Variants in DDX11 observed in about 807,000 individuals in gnomAD.
DDX11 encodes the protein ATP-dependent DNA helicase DDX11.
Under a neutral mutation model 125.2 loss-of-function variants are expected in DDX11, and 72 were observed. The ratio of observed to expected loss-of-function variants is 0.58; its 90% CI spans 0.48 to 0.70. DDX11 has a LOEUF of 0.70. Among genes scored for constraint, DDX11 ranks in the 30% least tolerant of loss-of-function variants. DDX11 has a pLI of 0.00. For synonymous variants in DDX11, 347 were observed against 452.6 expected, an observed-to-expected ratio of 0.77 and a Z score of 2.96; for missense variants, 883 against 1,165.0, an observed-to-expected ratio of 0.76 and a Z score of 3.52.
intron 2 of DDX11, among the ~76,000 whole-genome samples, chr12:31,082,304 G>A (rs1280148350): frequency 6.6e-6 from 1 of 151,584 alleles, no homozygotes; most frequent in African/African-American, 2.4e-5. Flanking sequence ...TAATCCAGAG[G>A]ATTTGGCCTT....
Position 31,100,639 on chromosome 12 carries a change from C to CT in DDX11, c.1881dup (p.Asp628Ter), listed in dbSNP as rs1437465535. On this transcript the variant is annotated frameshift_variant, in exon 19 of 27. Coordinates refer to ENST00000542838, the MANE Select transcript of DDX11 (RefSeq NM_030653.4). LOFTEE classifies it high-confidence loss of function. ...CGCTGTGGCCTTGGTCTACAGGTGT[C>CT]TGACTTCCGGCAGCAGCTGCTGGCC... is the stretch of plus-strand genomic sequence containing the variant. 1 of 1,552,362 alleles carries CT rather than the reference C, an allele frequency of 6.4e-7. No homozygotes were observed. Among genetic ancestry groups the CT allele is most frequent in the African/African-American group, 1.4e-5 (1 of 73,126 alleles).
In DDX11 at chr12:31,101,973, C is replaced by T; in HGVS notation, c.2193C>T (p.Ala731=). The change falls in exon 21 of 27, where the codon GCC becomes GCT. Residue 731 remains alanine (A), a synonymous_variant. Coordinates refer to ENST00000542838, the MANE Select transcript of DDX11 (RefSeq NM_030653.4). ...EKGGLLGRLA[A]RKKIFQEPKS... is the part of the protein sequence containing the mutation. ...GTGGCCTGCTGGGCCGTCTGGCTGC[C>T]AGGAAGAAGGTGAGTGGCCTGTCGG... 3 of 1,612,300 alleles carry T rather than the reference C, an allele frequency of 1.9e-6. No individual in the cohort carries two copies. The African/African-American group carries it at 4.0e-5, about 22-fold the overall frequency.
intron 9 of DDX11, among the ~76,000 whole-genome samples, chr12:31,090,847 G>A (rs1290263664): frequency 6.6e-6 from 1 of 152,208 alleles, no homozygotes. Context: ...AGCTGTGTGG[G>A]CACTGGCAGA....
chr12:31,081,307 AG>A (rs1418026824), intron 2 of DDX11, among the ~76,000 whole-genome samples: 1 of 152,196 alleles, frequency 6.6e-6, no homozygotes, highest in Non-Finnish European at 1.5e-5. Context: ...AGCCCATAGA[AG>A]CAGCCATGCT....
intron 9 of DDX11, among the ~76,000 whole-genome samples, chr12:31,090,362 G>C (rs1287538168): frequency 1.3e-5 from 2 of 149,852 alleles, no homozygotes; most frequent in Non-Finnish European, 3.0e-5. Context: ...CACAGGGAGA[G>C]GGGGGATGCC....
At chr12:31,078,861 G>A (rs1359646848) in intron 2 of DDX11, among the ~76,000 whole-genome samples, 3 of 151,924 alleles carry the variant, frequency 2.0e-5, no homozygotes, top group South Asian at 2.1e-4. Flanking sequence ...CTAATTTTTT[G>A]TAGTTTTAAT....
chr12:31,084,542 G>C, intron 3 of DDX11, 41 bp from the exon 4 acceptor site: 7 of 1,555,902 alleles, frequency 4.5e-6, no homozygotes, highest in Non-Finnish European at 5.3e-6. Context: ...GCCTGGTTTT[G>C]GGCTTCCTTG....
chr12:31,101,348 G>A, intron 20 of DDX11: 1 of 599,906 alleles, frequency 1.7e-6, no homozygotes, highest in Non-Finnish European at 3.0e-6. Flanking sequence ...TGCGAAATAT[G>A]TATTCATAAA....
chr12:31,087,921 C>T lies in DDX11; in HGVS notation c.639-17C>T, dbSNP rs760304236. Reference sequence around the variant, plus strand: ...TGCTGAGGGAAGACTGTTTTCTGTTCTCTCTCACACACACAGAGTGGATGA... The same window carrying T: ...TGCTGAGGGAAGACTGTTTTCTGTTTTCTCTCACACACACAGAGTGGATGA... On this transcript the variant is annotated splice_polypyrimidine_tract_variant and intron_variant, in intron 5 of 26. Transcript: ENST00000542838. 1 of 1,607,762 alleles carries T rather than the reference C, an allele frequency of 6.2e-7. No homozygotes were observed. The highest frequency in any genetic ancestry group is 8.5e-7 in the Non-Finnish European group (1 of 1,177,534).
At chr12:31,077,696 T>G (rs1940950822) in intron 1 of DDX11, among the ~76,000 whole-genome samples, 1 of 151,692 alleles carries the variant, frequency 6.6e-6, no homozygotes, top group Non-Finnish European at 1.5e-5. Flanking sequence ...AAAAAAAAAT[T>G]AGCTGGGCGT....
rs184291426 is a variant in DDX11 at position 31,085,912 on chromosome 12, G to A, written c.638+786G>A. On this transcript the variant is annotated intron_variant, in intron 5 of 26. Transcript: ENST00000542838. The stretch of plus-strand genomic sequence containing the variant: ...GGGGCTGCACCTGATGATGAGTCCC[G>A]TGTGTCCTGTGACATCCTGGCCACC... 87 of 411,854 alleles carry A rather than the reference G, an allele frequency of 2.1e-4. 1 individual carries two copies. Among genetic ancestry groups the A allele is most frequent in the Admixed American group, 1.5e-3 (58 of 39,862 alleles). The allele number at this position is 411,854 out of a possible 1,614,324, so 25.5% of individuals were successfully genotyped here.
intron 1 of DDX11, among the ~76,000 whole-genome samples, chr12:31,075,517 C>A (rs1940577148): frequency 2.0e-5 from 3 of 151,686 alleles, no homozygotes; most frequent in African/African-American, 7.3e-5. Flanking sequence ...GTTTCTTTCT[C>A]TATAAAATAG....
At chr12:31,092,972 T>C in intron 11 of DDX11, 80 bp downstream of exon 11, 1 of 1,559,844 alleles carries the variant, frequency 6.4e-7, no homozygotes. Flanking sequence ...GGCAGCACTT[T>C]GGTTCCCACC....
chr12:31,079,417 T>TG (rs1261422306), intron 2 of DDX11, among the ~76,000 whole-genome samples: 1 of 140,466 alleles, frequency 7.1e-6, no homozygotes, highest in Non-Finnish European at 1.5e-5. Flanking sequence ...GCTGGAAAGT[T>TG]GAAGATCCAG....
intron 1 of DDX11, among the ~76,000 whole-genome samples, chr12:31,076,456 T>A (rs1428490511): frequency 7.5e-6 from 1 of 134,222 alleles, no homozygotes; most frequent in Non-Finnish European, 1.6e-5. Context: ...CTCCCTTCAG[T>A]GAACCTCCCT....
intron 5 of DDX11, 102 bp downstream of exon 5, chr12:31,085,228 G>A (rs7486470): frequency 0.091 from 130,474 of 1,427,542 alleles, 1,594 homozygotes; most frequent in Non-Finnish European, 0.1. Context: ...CCTGGCAAGA[G>A]GCATGGTGGC....
intron 1 of DDX11, among the ~76,000 whole-genome samples, chr12:31,077,272 G>C (rs1940857543): frequency 6.6e-6 from 1 of 152,036 alleles, no homozygotes; most frequent in Non-Finnish European, 1.5e-5. Context: ...CACTGTCTCA[G>C]AGATAATTAG....
chr12:31,079,565 G>T (rs1458322338), intron 2 of DDX11, among the ~76,000 whole-genome samples: 1 of 148,250 alleles, frequency 6.7e-6, no homozygotes, highest in Non-Finnish European at 1.5e-5. Context: ...GAGGACAAGG[G>T]CTGCTCCCTT....
intron 2 of DDX11, among the ~76,000 whole-genome samples, chr12:31,082,512 A>G (rs989761361): frequency 2.6e-5 from 4 of 152,220 alleles, no homozygotes; most frequent in South Asian, 2.1e-4. Flanking sequence ...TGCTGCCCCA[A>G]CCGTAGTCAT....
Sources: allele counts gnomAD v4.1 joint callset (sites outside exome capture counted in the v4.1 genomes callset), GRCh38; gene constraint gnomAD v4.1.1; transcripts MANE v1.5; gene names NCBI Gene and HGNC (gene_info 2026-07-23, HGNC 2026-07-21).